Variants in WIPF2 observed in about 807,000 individuals in gnomAD.
The protein encoded by WIPF2 is WAS/WASL-interacting protein family member 2.
Under a neutral mutation model 38.8 loss-of-function variants are expected in WIPF2, and 23 were observed. The ratio of observed to expected loss-of-function variants is 0.59; its 90% CI spans 0.43 to 0.84. The LOEUF (loss-of-function observed/expected upper bound fraction) is 0.84. Ranked by LOEUF, WIPF2 falls within the 40% of genes least tolerant of loss-of-function variation. The pLI is 0.00. For missense variants in WIPF2, 574 were observed against 580.5 expected, an observed-to-expected ratio of 0.99 and a Z score of 0.11; for synonymous variants, 210 against 223.2, an observed-to-expected ratio of 0.94 and a Z score of 0.53.
At chr17:40,259,329 G>T (rs2031829079) in intron 2 of WIPF2, among the ~76,000 whole-genome samples, 1 of 151,756 alleles carries the variant, frequency 6.6e-6, no homozygotes, top group African/African-American at 2.4e-5. Flanking sequence ...CAGCTACTGG[G>T]GGCGCTGAGG....
chr17:40,278,241 C>T lies in WIPF2; in HGVS notation c.*16C>T, dbSNP rs370381879. On this transcript the variant is annotated 3_prime_UTR_variant, in exon 8 of 8. Coordinates refer to ENST00000323571, the MANE Select transcript of WIPF2 (RefSeq NM_133264.5). ...TCTCAGGTGAAGCCTGGCTTGGTCC[C>T]GTTCCTCAGGAAAAGGATGGACCTT... 1.2e-4 allele frequency: 189 copies of T among 1,613,406 alleles called. No individual in the cohort carries two copies. The Middle Eastern group carries it at 5.6e-3, about 48-fold the overall frequency.
At chr17:40,247,207 GTTTTTT>G (rs775838379) in intron 1 of WIPF2, among the ~76,000 whole-genome samples, 2 of 116,962 alleles carry the variant, frequency 1.7e-5, no homozygotes, top group African/African-American at 6.3e-5. Context: ...TTATTTCAGG[GTTTTTT>G]TTTTTTTTTT....
At chr17:40,261,035 TAAA>T (rs34087528) in intron 3 of WIPF2, among the ~76,000 whole-genome samples, 18 of 93,534 alleles carry the variant, frequency 1.9e-4, no homozygotes, top group East Asian at 2.9e-4. Context: ...CTCAAAAAGG[TAAA>T]AAAAAAAAAA....
chr17:40,220,607 A>G (rs1029509674), intron 1 of WIPF2: 29 of 90,498 alleles, frequency 3.2e-4, no homozygotes, highest in Admixed American at 1.4e-3. Flanking sequence ...ATATATATAT[A>G]TATATATATA....
chr17:40,269,210 C>T (rs1314635681), intron 5 of WIPF2, among the ~76,000 whole-genome samples: 3 of 152,048 alleles, frequency 2.0e-5, no homozygotes, highest in South Asian at 2.1e-4. Context: ...ATCCCAGCTA[C>T]TCGAGAGGCT....
chr17:40,221,289 G>A lies in WIPF2; in HGVS notation c.-70+1797G>A, dbSNP rs187903076. Among the ~76,000 whole-genome samples, 92 of 152,240 alleles carry A rather than the reference G, an allele frequency of 6.0e-4. No individual in the cohort carries two copies. In the East Asian group the frequency reaches 0.017, roughly 28 times the overall value. ...CAGTTTTAGCCTACCTATGGATTTA[G>A]TAAATAACTTCAAGGCAAATTATTA... is the stretch of plus-strand genomic sequence containing the variant. On this transcript the variant is annotated intron_variant, in intron 1 of 7. Coordinates refer to ENST00000323571, the MANE Select transcript of WIPF2 (RefSeq NM_133264.5).
At chr17:40,271,779 C>T (rs1016229996) in intron 5 of WIPF2, among the ~76,000 whole-genome samples, 1 of 152,122 alleles carries the variant, frequency 6.6e-6, no homozygotes, top group Non-Finnish European at 1.5e-5. Context: ...AGATTTAATA[C>T]ACCGAAAATG....
chr17:40,275,240 C>CAAAAA (rs58914738), intron 6 of WIPF2, among the ~76,000 whole-genome samples: 28 of 59,754 alleles, frequency 4.7e-4, no homozygotes, highest in Admixed American at 7.0e-4. Flanking sequence ...GACTCCGTCT[C>CAAAAA]AAAAAAAAAA....
At chr17:40,234,934 T>A (rs1358827638) in intron 1 of WIPF2, among the ~76,000 whole-genome samples, 1 of 151,946 alleles carries the variant, frequency 6.6e-6, no homozygotes, top group Non-Finnish European at 1.5e-5. Flanking sequence ...TTTTTTTTTT[T>A]GAGACGGAGT....
At chr17:40,241,791 C>T (rs949498553) in intron 1 of WIPF2, among the ~76,000 whole-genome samples, 32 of 152,102 alleles carry the variant, frequency 2.1e-4, no homozygotes, top group African/African-American at 7.7e-4. Context: ...ATCAAAAGGA[C>T]ACAATTCTCC....
intron 1 of WIPF2, among the ~76,000 whole-genome samples, chr17:40,221,344 A>T (rs1461984607): frequency 6.6e-6 from 1 of 152,108 alleles, no homozygotes; most frequent in Non-Finnish European, 1.5e-5. Context: ...TTTGAAATAT[A>T]GGTTTTCTCT....
At chr17:40,219,626 G>C (rs1464022303) in intron 1 of WIPF2, 134 bp downstream of exon 1, 1 of 146,426 alleles carries the variant, frequency 6.8e-6, no homozygotes, top group African/African-American at 2.6e-5. Flanking sequence ...GGGGCCGGAG[G>C]GGGAGAGGGG....
chr17:40,241,586 CA>C (rs1161104871), intron 1 of WIPF2, among the ~76,000 whole-genome samples: 2 of 152,022 alleles, frequency 1.3e-5, no homozygotes, highest in African/African-American at 4.8e-5. Flanking sequence ...CTGGGATGTA[CA>C]GGGGAGGAAA....
At position 40,234,772 on chromosome 17, in the gene WIPF2, T is replaced by TA. The variant is rs1457559285; in HGVS notation, c.-70+15282dup. On this transcript the variant is annotated intron_variant, in intron 1 of 7. Coordinates refer to ENST00000323571, the MANE Select transcript of WIPF2 (RefSeq NM_133264.5). Reference sequence around the variant, plus strand: ...CTTCTGTTAATAATCTTAGCTGCCTTAAGCACCAAAACAGGCAGTTTGCAG... The same window carrying TA: ...CTTCTGTTAATAATCTTAGCTGCCTTAAAGCACCAAAACAGGCAGTTTGCAG... Among the ~76,000 whole-genome samples, 3 of 152,294 alleles carry TA rather than the reference T, an allele frequency of 2.0e-5. 1 individual carries two copies. Among genetic ancestry groups the TA allele is most frequent in the Middle Eastern group, 6.8e-3 (2 of 294 alleles).
At chr17:40,239,287 G>T (rs1046959698) in intron 1 of WIPF2, among the ~76,000 whole-genome samples, 2 of 151,724 alleles carry the variant, frequency 1.3e-5, no homozygotes, top group Non-Finnish European at 2.9e-5. Flanking sequence ...TAGCCAGGAT[G>T]GTCTCGATCT....
intron 5 of WIPF2, among the ~76,000 whole-genome samples, chr17:40,271,851 A>T (rs188385965): frequency 6.6e-6 from 1 of 152,318 alleles, no homozygotes; most frequent in African/African-American, 2.4e-5. Context: ...AATACAGAGC[A>T]TAGGAGTAAG....
chr17:40,275,982 C>G (rs1222088178), intron 6 of WIPF2, among the ~76,000 whole-genome samples: 1 of 152,110 alleles, frequency 6.6e-6, no homozygotes. Context: ...TTGTAGAAAC[C>G]TTTGGGATGT....
chr17:40,220,573 GT>G (rs2030141043), intron 1 of WIPF2: 1 of 77,108 alleles, frequency 1.3e-5, no homozygotes, highest in Non-Finnish European at 2.5e-5. Context: ...GTGTGTGTGT[GT>G]ATATATATAT....
At chr17:40,278,007 T>C (rs1236357406) in intron 7 of WIPF2, among the ~76,000 whole-genome samples, 178 bp from the exon 8 acceptor site, 1 of 152,148 alleles carries the variant, frequency 6.6e-6, no homozygotes, top group African/African-American at 2.4e-5. Context: ...ATTACAGGCG[T>C]GAGCCACCTT....
Sources: gnomAD v4.1 joint callset for allele counts (sites outside exome capture counted in the v4.1 genomes callset) on GRCh38, gnomAD v4.1.1 for gene constraint, MANE v1.5 for transcripts, NCBI Gene and HGNC (gene_info 2026-07-23, HGNC 2026-07-21) for gene names.